The following EPHB1 variants were observed in gnomAD, a reference collection of about 807,000 sequenced individuals.
The protein encoded by EPHB1 is ephrin type-B receptor 1.
Under a neutral mutation model 94.4 loss-of-function variants are expected in EPHB1, and 30 were observed. The observed-to-expected ratio is 0.32, with a 90% CI of 0.24 to 0.43. EPHB1 has a LOEUF of 0.43. Ranked by LOEUF, EPHB1 falls within the 20% of genes least tolerant of loss-of-function variation. The pLI, the probability that EPHB1 is intolerant of heterozygous loss-of-function variation, is 1.00. For missense variants in EPHB1, 1,055 were observed against 1,308.3 expected (o/e 0.81, Z 2.99); for synonymous variants, 522 against 489.1 (o/e 1.07, Z -0.89).
chr3:135,035,505 T>A (rs1936616180), intron 3 of EPHB1, among the ~76,000 whole-genome samples: 1 of 152,058 alleles, frequency 6.6e-6, no homozygotes. Flanking sequence ...AATTAAGGAG[T>A]CTTTTATACT....
At chr3:134,936,090 G>A (rs1273116847) in intron 2 of EPHB1, among the ~76,000 whole-genome samples, 2 of 152,174 alleles carry the variant, frequency 1.3e-5, no homozygotes, top group Non-Finnish European at 2.9e-5. Context: ...GGAGTGTGAG[G>A]AGAGGAACAC....
intron 3 of EPHB1, among the ~76,000 whole-genome samples, chr3:135,038,614 T>C (rs11925170): frequency 0.043 from 6,515 of 152,136 alleles, 490 homozygotes; most frequent in African/African-American, 0.15. Context: ...TCGCGGTGAG[T>C]GTTACAGCTC....
At chr3:134,905,522 C>A (rs2038304850) in intron 1 of EPHB1, among the ~76,000 whole-genome samples, 1 of 152,234 alleles carries the variant, frequency 6.6e-6, no homozygotes, top group Non-Finnish European at 1.5e-5. Flanking sequence ...TATCCATCAG[C>A]CCAGCACATC....
intron 1 of EPHB1, among the ~76,000 whole-genome samples, chr3:134,812,678 G>T (rs1016301808): frequency 2.6e-5 from 4 of 152,196 alleles, no homozygotes; most frequent in Non-Finnish European, 5.9e-5. Context: ...GTAAGATACT[G>T]CCAGTCTGTT....
intron 1 of EPHB1, among the ~76,000 whole-genome samples, chr3:134,849,896 A>T (rs2036946475): frequency 6.6e-6 from 1 of 152,040 alleles, no homozygotes; most frequent in African/African-American, 2.4e-5. Context: ...TGCCTCCTTT[A>T]ACTCTGCTCC....
At chr3:134,882,932 C>T (rs1458355178) in intron 1 of EPHB1, among the ~76,000 whole-genome samples, 6 of 151,938 alleles carry the variant, frequency 3.9e-5, no homozygotes, top group African/African-American at 1.2e-4. Flanking sequence ...AAGCGATTCT[C>T]CTGCCTCAGC....
At position 135,259,104 on chromosome 3, in the gene EPHB1, C is replaced by A. The variant is rs1334331227; in HGVS notation, c.2939C>A (p.Pro980Gln). Residue 980 changes from proline (P) to glutamine (Q), a missense_variant, in exon 16 of 16, where the codon CCA (proline) becomes CAA (glutamine). Pro to Gln is a moderately conservative substitution (Grantham distance 76, BLOSUM62 -1). Coordinates refer to ENST00000398015, the MANE Select transcript of EPHB1 (RefSeq NM_004441.5). ...HSMRVQISQS[P>Q]TAMA ...ATGAGGGTCCAGATAAGTCAGTCAC[C>A]AACGGCAATGGCATGAGAACTCTTG... The A allele has an allele frequency of 2.5e-6, 4 of 1,608,434 alleles. No homozygotes were observed. Among genetic ancestry groups the A allele is most frequent in the Admixed American group, 1.7e-5 (1 of 59,394 alleles).
At chr3:135,098,928 GC>G (rs1938916956) in intron 3 of EPHB1, among the ~76,000 whole-genome samples, 1 of 145,274 alleles carries the variant, frequency 6.9e-6, no homozygotes, top group Non-Finnish European at 1.5e-5. Context: ...CAGGAGAATT[GC>G]TTGACCCTGG....
chr3:135,105,142 C>T (rs1469643190), intron 3 of EPHB1, among the ~76,000 whole-genome samples: 5 of 152,184 alleles, frequency 3.3e-5, no homozygotes, highest in African/African-American at 1.2e-4. Context: ...GAATATGCTG[C>T]ACTTTCCAGG....
chr3:135,136,873 GA>G (rs1940638743), intron 5 of EPHB1, among the ~76,000 whole-genome samples: 1 of 152,154 alleles, frequency 6.6e-6, no homozygotes, highest in African/African-American at 2.4e-5. Flanking sequence ...CAGCTGCCAT[GA>G]GTTTAAAATA....
intron 4 of EPHB1, among the ~76,000 whole-genome samples, chr3:135,112,219 C>T (rs1206344462): frequency 6.6e-6 from 1 of 152,164 alleles, no homozygotes; most frequent in African/African-American, 2.4e-5. Flanking sequence ...TGATGGGCCC[C>T]AGCTCACCTA....
At chr3:135,008,422 T>C (rs1180402174) in intron 3 of EPHB1, among the ~76,000 whole-genome samples, 4 of 152,044 alleles carry the variant, frequency 2.6e-5, no homozygotes, top group Non-Finnish European at 5.9e-5. Flanking sequence ...CTAAACAGGC[T>C]GGCTACAGAG....
intron 1 of EPHB1, among the ~76,000 whole-genome samples, chr3:134,863,999 A>G (rs1229863219): frequency 6.6e-6 from 1 of 152,170 alleles, no homozygotes; most frequent in Admixed American, 6.5e-5. Context: ...AATCTACAGC[A>G]TACCCGCTGG....
intron 3 of EPHB1, among the ~76,000 whole-genome samples, chr3:134,976,041 TG>T (rs1934177605): frequency 6.6e-6 from 1 of 152,192 alleles, no homozygotes; most frequent in South Asian, 2.1e-4. Context: ...AACAGGCACC[TG>T]GAGGGAGTCT....
chr3:135,015,079 C>A (rs1935749573), intron 3 of EPHB1, among the ~76,000 whole-genome samples: 1 of 152,084 alleles, frequency 6.6e-6, no homozygotes, highest in African/African-American at 2.4e-5. Flanking sequence ...CTCACAGGAC[C>A]TCACCTCCAC....
chr3:134,924,437 T>C (rs942259442), intron 1 of EPHB1, among the ~76,000 whole-genome samples: 1 of 152,172 alleles, frequency 6.6e-6, no homozygotes, highest in Non-Finnish European at 1.5e-5. Context: ...AAGATTTGAA[T>C]AGACACTTCA....
chr3:134,798,552 C>T (rs541053177), intron 1 of EPHB1, among the ~76,000 whole-genome samples: 11 of 152,278 alleles, frequency 7.2e-5, no homozygotes, highest in African/African-American at 2.2e-4. Flanking sequence ...GGAAAAGATC[C>T]GCTGGGGCTA....
At chr3:135,180,705 T>C (rs187308653) in intron 10 of EPHB1, among the ~76,000 whole-genome samples, 1 of 152,350 alleles carries the variant, frequency 6.6e-6, no homozygotes, top group Admixed American at 6.5e-5. Flanking sequence ...AATGGGTTAG[T>C]AGCTGAGTCA....
intron 9 of EPHB1, among the ~76,000 whole-genome samples, chr3:135,173,906 A>T (rs1389905988): frequency 3.9e-5 from 6 of 152,184 alleles, no homozygotes. Flanking sequence ...GTGATTCTAG[A>T]GGTCTTGGCA....
Sources: gnomAD v4.1 joint callset for allele counts (sites outside exome capture counted in the v4.1 genomes callset) on GRCh38, gnomAD v4.1.1 for gene constraint, MANE v1.5 for transcripts, NCBI Gene and HGNC (gene_info 2026-07-23, HGNC 2026-07-21) for gene names.